The following PDZRN4 variants were observed in gnomAD, a reference collection of about 807,000 sequenced individuals.
PDZRN4 encodes the protein PDZ domain-containing RING finger protein 4.
Under a neutral mutation model 99.0 loss-of-function variants are expected in PDZRN4, and 70 were observed. That is an observed-to-expected ratio of 0.71 (90% CI 0.58 to 0.86). The LOEUF is 0.86. PDZRN4 is among the 40% of genes least tolerant of loss of function. PDZRN4 has a pLI of 0.00. For missense variants in PDZRN4, 1,474 were observed against 1,331.2 expected (o/e 1.11, Z -1.67); for synonymous variants, 551 against 501.6 (o/e 1.10, Z -1.32).
intron 3 of PDZRN4, among the ~76,000 whole-genome samples, chr12:41,421,067 C>T (rs1326087439): frequency 6.6e-6 from 1 of 152,186 alleles, no homozygotes; most frequent in Non-Finnish European, 1.5e-5. Flanking sequence ...TTGGCAAAAC[C>T]TCTTGTTCCT....
chr12:41,397,898 GA>G (rs1952261253), intron 3 of PDZRN4, among the ~76,000 whole-genome samples: 1 of 152,010 alleles, frequency 6.6e-6, no homozygotes, highest in Non-Finnish European at 1.5e-5. Flanking sequence ...AAGATACACA[GA>G]ATTGCCACTT....
chr12:41,472,684 C>T (rs901067714), intron 3 of PDZRN4, among the ~76,000 whole-genome samples: 1 of 152,160 alleles, frequency 6.6e-6, no homozygotes, highest in Non-Finnish European at 1.5e-5. Flanking sequence ...CCAGGTGTCA[C>T]TCTAAGAGGT....
At chr12:41,301,895 G>A (rs1951538576) in intron 3 of PDZRN4, among the ~76,000 whole-genome samples, 1 of 152,008 alleles carries the variant, frequency 6.6e-6, no homozygotes, top group Non-Finnish European at 1.5e-5. Context: ...AATCTCACAT[G>A]TCTCATCTCT....
At chr12:41,346,582 C>T (rs1367957335) in intron 3 of PDZRN4, among the ~76,000 whole-genome samples, 1 of 151,904 alleles carries the variant, frequency 6.6e-6, no homozygotes, top group African/African-American at 2.4e-5. Flanking sequence ...TTTTAGTGCT[C>T]TAAATTTTAA....
chr12:41,543,992 CA>C (rs143972573), intron 5 of PDZRN4, among the ~76,000 whole-genome samples: 2 of 152,042 alleles, frequency 1.3e-5, no homozygotes, highest in Admixed American at 6.5e-5. Context: ...GTCATATTTC[CA>C]AAAAAACCAT....
At chr12:41,334,389 T>TAAAAAA (rs59977032) in intron 3 of PDZRN4, among the ~76,000 whole-genome samples, 2 of 143,724 alleles carry the variant, frequency 1.4e-5, no homozygotes, top group East Asian at 2.0e-4. Context: ...AATGAAAAGT[T>TAAAAAA]AAAAAAAAAA....
chr12:41,209,681 C>CT (rs1950875565), intron 3 of PDZRN4, among the ~76,000 whole-genome samples: 1 of 150,212 alleles, frequency 6.7e-6, no homozygotes, highest in Non-Finnish European at 1.5e-5. Context: ...TGAACTCATC[C>CT]TTTTTTATGG....
intron 3 of PDZRN4, among the ~76,000 whole-genome samples, chr12:41,397,218 C>T (rs1360659877): frequency 6.6e-6 from 1 of 152,070 alleles, no homozygotes; most frequent in Non-Finnish European, 1.5e-5. Context: ...TAAAATAAAA[C>T]ACTAATAAAA....
At chr12:41,338,743 G>C (rs1240789706) in intron 3 of PDZRN4, among the ~76,000 whole-genome samples, 1 of 151,832 alleles carries the variant, frequency 6.6e-6, no homozygotes, top group Admixed American at 6.6e-5. Flanking sequence ...AAGCTACCAA[G>C]ATTAAAGTAT....
At chr12:41,357,813 C>T (rs1406104876) in intron 3 of PDZRN4, among the ~76,000 whole-genome samples, 1 of 151,964 alleles carries the variant, frequency 6.6e-6, no homozygotes, top group East Asian at 1.9e-4. Context: ...CAGTACCCAG[C>T]TATTAGATAC....
intron 3 of PDZRN4, among the ~76,000 whole-genome samples, chr12:41,237,501 CTAATT>C (rs1951075185): frequency 6.6e-6 from 1 of 151,988 alleles, no homozygotes; most frequent in African/African-American, 2.4e-5. Context: ...GTAAAATAAT[CTAATT>C]TAATACTTTA....
intron 3 of PDZRN4, among the ~76,000 whole-genome samples, chr12:41,401,394 T>A (rs1259694148): frequency 2.0e-5 from 3 of 152,208 alleles, no homozygotes; most frequent in Non-Finnish European, 4.4e-5. Flanking sequence ...AGTTTTCTTT[T>A]AAAGTTGCAC....
At chr12:41,369,438 T>G (rs970375347) in intron 3 of PDZRN4, among the ~76,000 whole-genome samples, 1 of 152,092 alleles carries the variant, frequency 6.6e-6, no homozygotes, top group African/African-American at 2.4e-5. Flanking sequence ...GTAAAATTGT[T>G]CTTTGTTGCT....
intron 3 of PDZRN4, among the ~76,000 whole-genome samples, chr12:41,481,619 C>T (rs1937675523): frequency 6.6e-6 from 1 of 152,114 alleles, no homozygotes; most frequent in South Asian, 2.1e-4. Context: ...TTAAACTTCC[C>T]TTCAAAACAA....
chr12:41,309,226 G>A (rs1047597218), intron 3 of PDZRN4, among the ~76,000 whole-genome samples: 3 of 152,144 alleles, frequency 2.0e-5, no homozygotes, highest in African/African-American at 7.2e-5. Flanking sequence ...TCAGTTTTGT[G>A]TTTGCTATAA....
At chr12:41,530,070 T>C (rs1938635464) in intron 5 of PDZRN4, among the ~76,000 whole-genome samples, 1 of 152,226 alleles carries the variant, frequency 6.6e-6, no homozygotes, top group South Asian at 2.1e-4. Flanking sequence ...TTATCTATTA[T>C]ACTTTTAGAA....
At chr12:41,429,468 G>A (rs1045807950) in intron 3 of PDZRN4, among the ~76,000 whole-genome samples, 2 of 152,162 alleles carry the variant, frequency 1.3e-5, no homozygotes, top group African/African-American at 4.8e-5. Flanking sequence ...TTTAGACTAC[G>A]ATTCCAGTCC....
intron 3 of PDZRN4, among the ~76,000 whole-genome samples, chr12:41,283,712 A>G (rs1205221735): frequency 1.3e-5 from 2 of 152,226 alleles, no homozygotes; most frequent in African/African-American, 2.4e-5. Context: ...AACATATGCA[A>G]ATCAATAAAT....
chr12:41,488,014 C>G lies in PDZRN4; in HGVS notation c.844-18442C>G, dbSNP rs192563955. Among the ~76,000 whole-genome samples, 230 of 152,246 alleles carry G rather than the reference C, an allele frequency of 1.5e-3. 1 individual carries two copies. The highest frequency in any genetic ancestry group is 2.7e-3 in the Admixed American group (41 of 15,276). On this transcript the variant is annotated intron_variant, in intron 3 of 9. Transcript: ENST00000402685. ...AGCAATGAGTCTGCTGTGTTTCTTTCCATAGGCATCCAAAATAACAGTATG... is the reference window on the plus strand; with the variant it reads ...AGCAATGAGTCTGCTGTGTTTCTTTGCATAGGCATCCAAAATAACAGTATG...
Sources: allele counts gnomAD v4.1 joint callset (sites outside exome capture counted in the v4.1 genomes callset), GRCh38; gene constraint gnomAD v4.1.1; transcripts MANE v1.5; gene names NCBI Gene and HGNC (gene_info 2026-07-23, HGNC 2026-07-21).